RPS6KB2: variants seen among roughly 807,000 people sequenced by gnomAD.
The protein encoded by RPS6KB2 is ribosomal protein S6 kinase beta-2.
Under a neutral mutation model 58.2 loss-of-function variants are expected in RPS6KB2, and 51 were observed. The ratio of observed to expected loss-of-function variants is 0.88; its 90% CI spans 0.70 to 1.11. The LOEUF is 1.11. Ranked by LOEUF, RPS6KB2 falls within the 50% of genes least tolerant of loss-of-function variation. The probability of loss-of-function intolerance (pLI) is 0.00; values close to 1 mark genes in which losing one functional copy is unlikely to be tolerated. For missense variants in RPS6KB2, 671 were observed against 655.8 expected (o/e 1.02, Z -0.25); for synonymous variants, 293 against 258.6 (o/e 1.13, Z -1.28).
Position 67,433,405 on chromosome 11 carries a change from G to A in RPS6KB2, c.864G>A (p.Leu288=), listed in dbSNP as rs769776127. Residue 288 remains leucine, a synonymous_variant, in exon 10 of 15, where the codon CTG becomes CTA. Transcript: ENST00000312629. The stretch of plus-strand genomic sequence containing the variant: ...AGATCATCAGGGGCAAGCTGGCACT[G>A]CCCCCCTACCTCACCCCAGATGCCC... ...MDKIIRGKLA[L]PPYLTPDARD... 2 of 1,613,944 alleles carry A rather than the reference G, an allele frequency of 1.2e-6. No individual in the cohort carries two copies. The highest frequency in any genetic ancestry group is 1.7e-5 in the Admixed American group (1 of 60,026).
Position 67,429,495 on chromosome 11 carries a change from G to T in RPS6KB2, c.241-32G>T, listed in dbSNP as rs143483478. 3 of 1,601,724 alleles carry T rather than the reference G, an allele frequency of 1.9e-6. No individual in the cohort carries two copies. The Admixed American group carries it at 5.1e-5, about 27-fold the overall frequency. ...GCTTCTTGAAGATAGGATGTGGAGA[G>T]GGAAGTTGATCCTGTCTCCCCTGCC... is the stretch of plus-strand genomic sequence containing the variant. On this transcript the variant is annotated intron_variant, in intron 3 of 14. Coordinates refer to ENST00000312629, the MANE Select transcript of RPS6KB2 (RefSeq NM_003952.3).
chr11:67,434,678 C>A lies in RPS6KB2; in HGVS notation c.1252C>A (p.Pro418Thr), dbSNP rs772264744. The part of the protein sequence containing the change: ...LRSPRRLNSS[P>T]RAPVSPLKFS... ...CTCACCCAGGCGCCTCAACAGTAGC[C>A]CCCGGGCCCCCGTCAGGTACTGAGG... Residue 418 changes from proline (P) to threonine (T), a missense_variant, in exon 14 of 15, where the codon CCC becomes ACC. Physicochemically the swap from Pro to Thr is conservative, Grantham distance 38. Transcript: ENST00000312629. 3.0e-5 allele frequency: 49 copies of A among 1,607,514 alleles called. No individual in the cohort carries two copies. The Middle Eastern group carries it at 5.2e-4, about 17-fold the overall frequency.
In RPS6KB2 at chr11:67,432,625, G is replaced by T; in HGVS notation, c.483G>T (p.Glu161Asp). The change falls in exon 6 of 15, where the codon GAG becomes GAT. Residue 161 changes from glutamate (E) to aspartate (D), a missense_variant. Transcript: ENST00000312629. ...LSGGELFTHL[E>D]REGIFLEDTA... is the part of the protein sequence containing the mutation. ...GTGGCGAGCTCTTCACGCATCTGGA[G>T]CGAGAGGGCATCTTCCTGGAAGATA... The T allele has an allele frequency of 6.2e-7, 1 of 1,614,226 alleles. No individual in the cohort carries two copies. The highest frequency in any genetic ancestry group is 1.1e-5 in the South Asian group (1 of 91,086).
At chr11:67,432,287 A>G (rs757281188) in intron 5 of RPS6KB2, 11 of 605,974 alleles carry the variant, frequency 1.8e-5, no homozygotes, top group Non-Finnish European at 3.4e-5. Context: ...CTTTTGGGCT[A>G]AGCTCTTGGA....
chr11:67,430,110 C>CTT (rs34190668), intron 4 of RPS6KB2: 19 of 141,286 alleles, frequency 1.3e-4, no homozygotes, highest in African/African-American at 4.5e-4. Flanking sequence ...CCGTCCCTAG[C>CTT]TTTTTTTTTT....
rs757345864 is a variant in RPS6KB2 at position 67,428,523 on chromosome 11, G to T, written c.-23G>T. 4 of 1,594,142 alleles carry T rather than the reference G, an allele frequency of 2.5e-6. No homozygotes were observed. The highest frequency in any genetic ancestry group is 1.7e-5 in the Admixed American group (1 of 57,720). The stretch of plus-strand genomic sequence containing the variant: ...AGTGCGCGGCCAGGTACGGGCCGAC[G>T]GGCCCGCGGGGCCGGCGCCGCCATG... On this transcript the variant is annotated 5_prime_UTR_variant, in exon 1 of 15. Transcript: ENST00000312629.
chr11:67,433,963 C>G, intron 10 of RPS6KB2, 32 bp from the exon 11 acceptor site: 4 of 1,613,588 alleles, frequency 2.5e-6, no homozygotes, highest in Non-Finnish European at 3.4e-6. Context: ...CAGTACTTGC[C>G]CAGGCCCTCA....
Position 67,428,562 on chromosome 11 carries a change from A to G in RPS6KB2, c.17A>G (p.Asp6Gly). The change falls in exon 1 of 15, where the codon GAT (aspartate) becomes GGT (glycine). Residue 6 changes from aspartate to glycine, a missense_variant. Asp to Gly is a moderately conservative substitution (Grantham distance 94, BLOSUM62 -1). Transcript: ENST00000312629. MAAVF[D>G]LDLETEEGSE... ...GGCGCCGCCATGGCGGCCGTGTTTG[A>G]TTTGGATTTGGAGACGGAGGAAGGC... 3 of 1,609,890 alleles carry G rather than the reference A, an allele frequency of 1.9e-6. No individual in the cohort carries two copies. The African/African-American group carries it at 4.0e-5, about 21-fold the overall frequency.
Position 67,435,203 on chromosome 11 carries a change from C to G in RPS6KB2, c.*34C>G. 2 of 1,497,280 alleles carry G rather than the reference C, an allele frequency of 1.3e-6. No homozygotes were observed. The highest frequency in any genetic ancestry group is 8.9e-7 in the Non-Finnish European group (1 of 1,123,644). 92.7% of individuals were successfully genotyped at this position (1,497,280 alleles called of 1,614,324 possible). A position where few individuals can be genotyped will look rare whatever the true frequency, so the allele number is the denominator to read the frequency against. ...GTGGGGGTGAGGGTAGCCCTTGAGC[C>G]CTGTCCCTGCGGCTGTGAGAGCAGC... On this transcript the variant is annotated 3_prime_UTR_variant, in exon 15 of 15. Coordinates refer to ENST00000312629, the MANE Select transcript of RPS6KB2 (RefSeq NM_003952.3).
At chr11:67,431,647 CCCAT>C (rs916081096) in intron 5 of RPS6KB2, 132 bp downstream of exon 5, 129 of 726,524 alleles carry the variant, frequency 1.8e-4, no homozygotes, top group Middle Eastern at 3.9e-4. Context: ...CTCTGTCCTA[CCCAT>C]CCATCCATCC....
chr11:67,428,523 G>C lies in RPS6KB2; in HGVS notation c.-23G>C. 1.3e-6 allele frequency: 2 copies of C among 1,594,262 alleles called. No individual in the cohort carries two copies. Among genetic ancestry groups the C allele is most frequent in the Non-Finnish European group, 1.7e-6 (2 of 1,169,918 alleles). ...AGTGCGCGGCCAGGTACGGGCCGAC[G>C]GGCCCGCGGGGCCGGCGCCGCCATG... On this transcript the variant is annotated 5_prime_UTR_variant, in exon 1 of 15. Transcript: ENST00000312629.
Position 67,428,579 on chromosome 11 carries a change from G to C in RPS6KB2, c.34G>C (p.Glu12Gln). The change falls in exon 1 of 15, where the codon GAG (glutamate) becomes CAG (glutamine). Residue 12 changes from glutamate (E) to glutamine (Q), a missense_variant. Transcript: ENST00000312629. ...AAVFDLDLET[E>Q]EGSEGEGEPE... The stretch of plus-strand genomic sequence containing the variant: ...CGTGTTTGATTTGGATTTGGAGACG[G>C]AGGAAGGCAGCGAGGGCGAGGGCGA... 1 of 1,611,232 alleles carries C rather than the reference G, an allele frequency of 6.2e-7. No homozygotes were observed. The highest frequency in any genetic ancestry group is 8.5e-7 in the Non-Finnish European group (1 of 1,179,226).
chr11:67,434,451 A>C lies in RPS6KB2; in HGVS notation c.1122A>C (p.Thr374=), dbSNP rs752816511. 1.5e-5 allele frequency: 24 copies of C among 1,612,698 alleles called. No individual in the cohort carries two copies. Among genetic ancestry groups the C allele is most frequent in the Non-Finnish European group, 2.0e-5 (24 of 1,179,968 alleles). The change falls in exon 13 of 15, where the codon ACA becomes ACC. Residue 374 remains threonine, a synonymous_variant. Coordinates refer to ENST00000312629, the MANE Select transcript of RPS6KB2 (RefSeq NM_003952.3). ...CGCCGGTGGACAGTCCTGATGACAC[A>C]GCCCTCAGCGAGAGTGCCAACCAGG... ...RQTPVDSPDD[T]ALSESANQAF... is the part of the protein sequence containing the mutation.
chr11:67,429,669 C>A, intron 4 of RPS6KB2, 74 bp downstream of exon 4: 1 of 1,199,584 alleles, frequency 8.3e-7, no homozygotes. Context: ...TTTGGGAAGA[C>A]AGCAGGGAAC....
Position 67,435,029 on chromosome 11 carries a change from C to T in RPS6KB2, c.1309C>T (p.Pro437Ser). Residue 437 changes from proline to serine, a missense_variant, in exon 15 of 15, where the codon CCC becomes TCC. Physicochemically the swap from Pro to Ser is moderately conservative, Grantham distance 74 (BLOSUM62 -1). Coordinates refer to ENST00000312629, the MANE Select transcript of RPS6KB2 (RefSeq NM_003952.3). ...FSPFEGFRPSPSLPEPTELPL... is the reference protein window; with the variant it reads ...FSPFEGFRPSSSLPEPTELPL... The stretch of plus-strand genomic sequence containing the variant: ...CCCTTTTGAGGGGTTTCGGCCCAGC[C>T]CCAGCCTGCCGGAGCCCACGGAGCT... 3.7e-6 allele frequency: 6 copies of T among 1,613,438 alleles called. No individual in the cohort carries two copies. Among genetic ancestry groups the T allele is most frequent in the South Asian group, 1.1e-5 (1 of 91,086 alleles).
chr11:67,429,779 C>G, intron 4 of RPS6KB2, 184 bp downstream of exon 4: 2 of 589,416 alleles, frequency 3.4e-6, no homozygotes, highest in African/African-American at 1.9e-5. Context: ...ATTTTGACTC[C>G]CAGCAGACAT....
Position 67,435,291 on chromosome 11 carries a change from G to T in RPS6KB2, c.*122G>T. ...CTGGGGGTGGGGTGTGAGTGCGTAT[G>T]AAAGTGTGTGTCTGCTGGGGCAGCT... is the stretch of plus-strand genomic sequence containing the variant. On this transcript the variant is annotated 3_prime_UTR_variant, in exon 15 of 15. Transcript: ENST00000312629. 1 of 922,640 alleles carries T rather than the reference G, an allele frequency of 1.1e-6. No individual in the cohort carries two copies. Among genetic ancestry groups the T allele is most frequent in the South Asian group, 1.8e-5 (1 of 56,880 alleles). The allele number at this position is 922,640 out of a possible 1,614,324, so 57.2% of individuals were successfully genotyped here.
intron 4 of RPS6KB2, 157 bp downstream of exon 4, chr11:67,429,752 A>G (rs1226740801): frequency 1.6e-6 from 1 of 620,422 alleles, no homozygotes; most frequent in Non-Finnish European, 2.9e-6. Flanking sequence ...GTCTTGCAGT[A>G]ATTCTCAATG....
In RPS6KB2 at chr11:67,434,909, A is replaced by C. The variant is rs149072071; in HGVS notation, c.1269-80A>C. ...GCCTGTGTGCCTGGGCAGGTGGGAAAGGCTGCCTTCCCTGACTGAGTGCTG... is the reference window on the plus strand; with the variant it reads ...GCCTGTGTGCCTGGGCAGGTGGGAACGGCTGCCTTCCCTGACTGAGTGCTG... On this transcript the variant is annotated intron_variant, in intron 14 of 14. Transcript: ENST00000312629. 2.2e-4 allele frequency: 299 copies of C among 1,384,020 alleles called. No individual in the cohort carries two copies. The African/African-American group carries it at 3.4e-3, about 16-fold the overall frequency. 85.7% of individuals were successfully genotyped at this position (1,384,020 alleles called of 1,614,324 possible).
Sources: gnomAD v4.1 joint callset for allele counts on GRCh38, gnomAD v4.1.1 for gene constraint, MANE v1.5 for transcripts, NCBI Gene and HGNC (gene_info 2026-07-23, HGNC 2026-07-21) for gene names.